Variants in FGF10 observed in about 807,000 individuals in gnomAD.
The protein encoded by FGF10 is fibroblast growth factor 10, also known as FGF-10.
In FGF10, 2 loss-of-function variants were observed where a neutral mutation model predicts 19.8. That is an observed-to-expected ratio of 0.10 (90% CI 0.04 to 0.32). The LOEUF is 0.32. Among genes scored for constraint, FGF10 ranks in the 10% least tolerant of loss-of-function variants. The pLI is 1.00. For missense variants in FGF10, 191 were observed against 246.3 expected (o/e 0.78, Z 1.50); for synonymous variants, 112 against 94.0 (o/e 1.19, Z -1.10).
At chr5:44,360,882 A>G (rs1296415769) in intron 1 of FGF10, among the ~76,000 whole-genome samples, 2 of 151,702 alleles carry the variant, frequency 1.3e-5, no homozygotes, top group East Asian at 3.9e-4. Flanking sequence ...TATCGACCAA[A>G]TATTCTGTCC....
Position 44,389,127 on chromosome 5 carries a change from G to A in FGF10, c.-445C>T. 1 of 279,130 alleles carries A rather than the reference G, an allele frequency of 3.6e-6. No individual in the cohort carries two copies. The highest frequency in any genetic ancestry group is 7.1e-6 in the Non-Finnish European group (1 of 141,160). The allele number at this position is 279,130 out of a possible 1,614,324, so 17.3% of individuals were successfully genotyped here. The stretch of plus-strand genomic sequence containing the variant: ...GGGTGGGGAATAGGGGGAGATATCT[G>A]CACCCCTCTGCGGTTGGCACCTTCT... On this transcript the variant is annotated 5_prime_UTR_variant, in exon 1 of 3. Transcript: ENST00000264664.
At chr5:44,341,323 T>C (rs1203852274) in intron 1 of FGF10, among the ~76,000 whole-genome samples, 1 of 151,930 alleles carries the variant, frequency 6.6e-6, no homozygotes, top group Non-Finnish European at 1.5e-5. Context: ...TTGTAGGGAA[T>C]ACTTAGGAGC....
chr5:44,320,752 G>T (rs1488576471), intron 1 of FGF10, among the ~76,000 whole-genome samples: 2 of 151,234 alleles, frequency 1.3e-5, no homozygotes, highest in African/African-American at 4.9e-5. Flanking sequence ...TCTTTTTGAG[G>T]TAGGGTCTCA....
At position 44,310,520 on chromosome 5, in the gene FGF10, C is replaced by T. The variant is rs1268706232; in HGVS notation, c.336G>A (p.Glu112=). ...KKENCPYSIL[E]ITSVEIGVVA... Reference sequence around the variant, plus strand: ...CAACTCCGATTTCTACTGATGTTATCTCCAGGATGCCTAAAACATACAATT... The same window carrying T: ...CAACTCCGATTTCTACTGATGTTATTTCCAGGATGCCTAAAACATACAATT... The change falls in exon 2 of 3, where the codon GAG becomes GAA. Residue 112 remains glutamate (E), a synonymous_variant. Transcript: ENST00000264664. 4 of 1,608,240 alleles carry T rather than the reference C, an allele frequency of 2.5e-6. No homozygotes were observed. Among genetic ancestry groups the T allele is most frequent in the African/African-American group, 2.7e-5 (2 of 74,828 alleles).
At chr5:44,352,754 G>T (rs1180060830) in intron 1 of FGF10, among the ~76,000 whole-genome samples, 1 of 151,554 alleles carries the variant, frequency 6.6e-6, no homozygotes, top group Non-Finnish European at 1.5e-5. Flanking sequence ...GTATTTGAAA[G>T]TGCTCCCAGG....
intron 1 of FGF10, among the ~76,000 whole-genome samples, chr5:44,328,674 A>G (rs1740666300): frequency 6.6e-6 from 1 of 152,180 alleles, no homozygotes; most frequent in Admixed American, 6.5e-5. Flanking sequence ...AGGTAGGAAA[A>G]TCACTTGAGC....
chr5:44,325,092 C>T (rs1193085528), intron 1 of FGF10, among the ~76,000 whole-genome samples: 1 of 152,030 alleles, frequency 6.6e-6, no homozygotes, highest in African/African-American at 2.4e-5. Context: ...TATGAGCAGA[C>T]ACAAAAGAAG....
chr5:44,374,597 G>A (rs760876330), intron 1 of FGF10, among the ~76,000 whole-genome samples: 3 of 152,120 alleles, frequency 2.0e-5, no homozygotes, highest in Non-Finnish European at 4.4e-5. Flanking sequence ...ACCTGCTTAA[G>A]ATCCACAGTA....
chr5:44,369,004 T>C (rs914141902), intron 1 of FGF10, among the ~76,000 whole-genome samples: 1 of 152,132 alleles, frequency 6.6e-6, no homozygotes, highest in African/African-American at 2.4e-5. Context: ...TTCATATTCA[T>C]GTTTCCTATG....
intron 1 of FGF10, among the ~76,000 whole-genome samples, chr5:44,343,921 C>A (rs1179572630): frequency 6.6e-6 from 1 of 151,868 alleles, no homozygotes; most frequent in Non-Finnish European, 1.5e-5. Flanking sequence ...TAGGGCCTGA[C>A]AAATATGGCA....
intron 1 of FGF10, among the ~76,000 whole-genome samples, chr5:44,381,705 A>C (rs944136425): frequency 1.3e-5 from 2 of 152,228 alleles, no homozygotes; most frequent in African/African-American, 4.8e-5. Context: ...TCTGCTTATC[A>C]GTAAAGCATG....
At chr5:44,357,553 T>C (rs1220443246) in intron 1 of FGF10, among the ~76,000 whole-genome samples, 1 of 151,496 alleles carries the variant, frequency 6.6e-6, no homozygotes, top group African/African-American at 2.4e-5. Flanking sequence ...ATCCCTGTTT[T>C]ACATTTTACT....
At position 44,327,490 on chromosome 5, in the gene FGF10, C is replaced by T. The variant is rs564020147; in HGVS notation, c.326-16960G>A. On this transcript the variant is annotated intron_variant, in intron 1 of 2. Transcript: ENST00000264664. ...AAAAAGAGTCCCTTAACCACAAAGT[C>T]CAATATCTCAGTCCACACCCTGGAT... Among the ~76,000 whole-genome samples the T allele has an allele frequency of 5.9e-5, 9 of 152,262 alleles. No individual in the cohort carries two copies. The South Asian group carries it at 1.9e-3, about 32-fold the overall frequency.
At chr5:44,317,540 T>G (rs1187676761) in intron 1 of FGF10, among the ~76,000 whole-genome samples, 3 of 152,162 alleles carry the variant, frequency 2.0e-5, no homozygotes, top group Non-Finnish European at 4.4e-5. Context: ...AGGGACAATA[T>G]TCTTAAGTGG....
chr5:44,377,067 C>T (rs1344141205), intron 1 of FGF10, among the ~76,000 whole-genome samples: 1 of 152,180 alleles, frequency 6.6e-6, no homozygotes, highest in Non-Finnish European at 1.5e-5. Context: ...TTTGTTTCCT[C>T]CCTGTGATTT....
intron 1 of FGF10, among the ~76,000 whole-genome samples, chr5:44,362,376 T>G (rs543567796): frequency 6.6e-6 from 1 of 151,638 alleles, no homozygotes; most frequent in South Asian, 2.1e-4. Context: ...CTAGGCAGGG[T>G]TAACTCTTCT....
intron 1 of FGF10, among the ~76,000 whole-genome samples, chr5:44,365,850 CAG>C (rs1741596984): frequency 6.6e-6 from 1 of 151,940 alleles, no homozygotes; most frequent in Non-Finnish European, 1.5e-5. Context: ...CAATAAGAGT[CAG>C]AGAACATTTG....
intron 1 of FGF10, among the ~76,000 whole-genome samples, chr5:44,359,267 G>C (rs950875064): frequency 1.3e-5 from 2 of 151,468 alleles, no homozygotes; most frequent in African/African-American, 4.8e-5. Context: ...GATTTTGGAA[G>C]AAAAAGTTAT....
rs1740733880 is a variant in FGF10 at position 44,331,397 on chromosome 5, T to A, written c.326-20867A>T. Among the ~76,000 whole-genome samples, 3 of 152,184 alleles carry A rather than the reference T, an allele frequency of 2.0e-5. No individual in the cohort carries two copies. In the South Asian group the frequency reaches 6.2e-4, roughly 32 times the overall value. On this transcript the variant is annotated intron_variant, in intron 1 of 2. Transcript: ENST00000264664. Reference sequence around the variant, plus strand: ...CCATAAACTTCATGTGATTTTAGGCTTTATTAAATAATTCCATTGATAATA... The same window carrying A: ...CCATAAACTTCATGTGATTTTAGGCATTATTAAATAATTCCATTGATAATA...
Sources: allele counts gnomAD v4.1 joint callset (sites outside exome capture counted in the v4.1 genomes callset), GRCh38; gene constraint gnomAD v4.1.1; transcripts MANE v1.5; gene names NCBI Gene and HGNC (gene_info 2026-07-23, HGNC 2026-07-21).